TBC1D8B: variants seen among roughly 807,000 people sequenced by gnomAD.
The protein encoded by TBC1D8B is TBC1 domain family member 8B.
TBC1D8B carries 75 observed loss-of-function variants against 82.9 expected under a neutral mutation model. The ratio of observed to expected loss-of-function variants is 0.90; its 90% CI spans 0.75 to 1.10. The LOEUF is 1.10. TBC1D8B is among the 50% of genes least tolerant of loss of function. The pLI is 0.00. For missense variants in TBC1D8B, 794 were observed against 796.9 expected (o/e 1.00, Z 0.04); for synonymous variants, 276 against 276.8 (o/e 1.00, Z 0.03).
intron 14 of TBC1D8B, among the ~76,000 whole-genome samples, chrX:106,861,814 G>C (rs151200750): frequency 2.7e-5 from 3 of 111,920 alleles, no homozygotes; most frequent in African/African-American, 9.7e-5. Flanking sequence ...AAAACTGATT[G>C]TGTAGTTGCT....
Position 106,873,693 on chromosome X carries a change from A to G in TBC1D8B, c.3091A>G (p.Arg1031Gly). 8.3e-7 allele frequency: 1 copy of G among 1,211,828 alleles called. No homozygotes were observed. The highest frequency in any genetic ancestry group is 1.1e-6 in the Non-Finnish European group (1 of 895,569). ...SLLLRMEEVG[R>G]KLHSPTSSAK... ...TTTACTCAGGATGGAAGAAGTTGGAAGGAAACTACATAGCCCTACATCATC... is the reference window on the plus strand; with the variant it reads ...TTTACTCAGGATGGAAGAAGTTGGAGGGAAACTACATAGCCCTACATCATC... Residue 1031 changes from arginine (R) to glycine (G), a missense_variant, in exon 21 of 21, where the codon AGG becomes GGG. Coordinates refer to ENST00000357242, the MANE Select transcript of TBC1D8B (RefSeq NM_017752.3).
At position 106,840,771 on chromosome X, in the gene TBC1D8B, T is replaced by C; in HGVS notation, c.1606T>C (p.Leu536=). 8.3e-7 allele frequency: 1 copy of C among 1,211,020 alleles called. No individual in the cohort carries two copies. Among genetic ancestry groups the C allele is most frequent in the South Asian group, 1.8e-5 (1 of 56,932 alleles). ...GGCTACTGAAGAAATTGAACGTGATTTACGTCGCTCTCTGCCTGAGCACCC... is the reference window on the plus strand; with the variant it reads ...GGCTACTGAAGAAATTGAACGTGATCTACGTCGCTCTCTGCCTGAGCACCC... The part of the protein sequence containing the change: ...NLATEEIERD[L]RRSLPEHPAF... The change falls in exon 10 of 21, where the codon TTA becomes CTA. Residue 536 remains leucine (L), a synonymous_variant. Coordinates refer to ENST00000357242, the MANE Select transcript of TBC1D8B (RefSeq NM_017752.3).
chrX:106,809,682 G>A (rs946939522), intron 1 of TBC1D8B, among the ~76,000 whole-genome samples: 2 of 109,548 alleles, frequency 1.8e-5, no homozygotes, highest in Non-Finnish European at 3.8e-5. Context: ...TCAAGAGTTC[G>A]AGACCAGCCT....
intron 12 of TBC1D8B, among the ~76,000 whole-genome samples, chrX:106,850,727 G>A (rs1932568173): frequency 8.9e-6 from 1 of 111,920 alleles, no homozygotes; most frequent in African/African-American, 3.2e-5. Flanking sequence ...GCTTCTGTAT[G>A]AATGCTATTT....
intron 10 of TBC1D8B, among the ~76,000 whole-genome samples, chrX:106,842,022 A>G (rs1208715352): frequency 1.8e-5 from 2 of 111,521 alleles, no homozygotes; most frequent in African/African-American, 6.5e-5. Context: ...AGGAGATTGG[A>G]ATGTCATGGA....
intron 5 of TBC1D8B, 59 bp from the exon 6 acceptor site, chrX:106,825,971 C>T (rs767801799): frequency 9.6e-7 from 1 of 1,044,458 alleles, no homozygotes; most frequent in African/African-American, 1.9e-5. Flanking sequence ...CATATGTATA[C>T]CTTAGAATTC....
intron 4 of TBC1D8B, 61 bp downstream of exon 4, chrX:106,822,263 T>A: frequency 1.2e-6 from 1 of 866,438 alleles, no homozygotes; most frequent in Non-Finnish European, 1.6e-6. Flanking sequence ...CCAACTCTAA[T>A]GATGTTAGGT....
intron 12 of TBC1D8B, among the ~76,000 whole-genome samples, chrX:106,851,149 G>A (rs922981336): frequency 8.9e-6 from 1 of 112,072 alleles, no homozygotes; most frequent in Non-Finnish European, 1.9e-5. Flanking sequence ...CAGCACTTTC[G>A]GAGGCCGAGG....
chrX:106,817,905 C>T (rs1230442565), intron 1 of TBC1D8B, among the ~76,000 whole-genome samples: 1 of 109,670 alleles, frequency 9.1e-6, no homozygotes, highest in Non-Finnish European at 1.9e-5. Context: ...TTAGCAAAGA[C>T]CCTATGGGAG....
At chrX:106,848,936 ATT>A (rs34205623) in intron 11 of TBC1D8B, among the ~76,000 whole-genome samples, 2 of 98,783 alleles carry the variant, frequency 2.0e-5, no homozygotes. Flanking sequence ...CGCCTGGCTA[ATT>A]TTTTTTTTTT....
At chrX:106,810,233 T>G (rs1931325921) in intron 1 of TBC1D8B, among the ~76,000 whole-genome samples, 1 of 111,822 alleles carries the variant, frequency 8.9e-6, no homozygotes, top group African/African-American at 3.3e-5. Context: ...TGTTTTCAAA[T>G]TAAATCATCC....
chrX:106,851,430 T>C (rs1932582915), intron 12 of TBC1D8B, among the ~76,000 whole-genome samples: 2 of 112,074 alleles, frequency 1.8e-5, no homozygotes, highest in African/African-American at 3.2e-5. Flanking sequence ...TTGTTATTAT[T>C]ATACTTTAAG....
chrX:106,841,623 C>G (rs1259609406), intron 10 of TBC1D8B, among the ~76,000 whole-genome samples: 1 of 111,428 alleles, frequency 9.0e-6, no homozygotes, highest in East Asian at 2.8e-4. Context: ...TTAGGATAGG[C>G]TAGACTGCTA....
chrX:106,812,693 T>G (rs1931413617), intron 1 of TBC1D8B, among the ~76,000 whole-genome samples: 1 of 111,333 alleles, frequency 9.0e-6, no homozygotes, highest in Non-Finnish European at 1.9e-5. Context: ...CCCTACCTGT[T>G]CATCATTACC....
chrX:106,862,096 G>T (rs1343075230), intron 14 of TBC1D8B, among the ~76,000 whole-genome samples: 1 of 112,009 alleles, frequency 8.9e-6, no homozygotes, highest in Non-Finnish European at 1.9e-5. Context: ...TAGCATTTCT[G>T]CTGAATAGTA....
At chrX:106,838,479 T>C (rs1038755638) in intron 7 of TBC1D8B, among the ~76,000 whole-genome samples, 6 of 111,952 alleles carry the variant, frequency 5.4e-5, no homozygotes, top group African/African-American at 1.9e-4. Flanking sequence ...TATTCCCTGC[T>C]TTCAAAGATA....
At chrX:106,860,342 T>G (rs369905401) in intron 14 of TBC1D8B, among the ~76,000 whole-genome samples, 4 of 22,275 alleles carry the variant, frequency 1.8e-4, no homozygotes, top group Admixed American at 3.6e-4. Flanking sequence ...TTATGATTGG[T>G]GTGTGTGTGT....
Position 106,872,455 on chromosome X carries a change from T to TTATATATATATATATATATATATATATA in TBC1D8B, c.2968-1109_2968-1082dup, listed in dbSNP as rs61326496. On this transcript the variant is annotated intron_variant, in intron 20 of 20. Transcript: ENST00000357242. Reference sequence around the variant, plus strand: ...GTGAACTAGGAACCCAGAAAAATATTTATATATATATATATATATATATAT... The same window carrying TTATATATATATATATATATATATATATA: ...GTGAACTAGGAACCCAGAAAAATATTTATATATATATATATATATATATATATATATATATATATATATATATATATAT... 3.7e-4 allele frequency among the ~76,000 whole-genome samples: 27 copies of TTATATATATATATATATATATATATATA among 73,282 alleles called. 1 individual carries two copies. Among genetic ancestry groups the TTATATATATATATATATATATATATATA allele is most frequent in the African/African-American group, 1.6e-3 (26 of 16,507 alleles). 63.6% of individuals were successfully genotyped at this position (73,282 alleles called of 115,157 possible).
At chrX:106,868,558 A>T in intron 18 of TBC1D8B, 82 bp downstream of exon 18, 1 of 614,976 alleles carries the variant, frequency 1.6e-6, no homozygotes, top group African/African-American at 2.3e-5. Flanking sequence ...ACTTTACCCA[A>T]CTAAAATTGG....
Sources: gnomAD v4.1 joint callset for allele counts (sites outside exome capture counted in the v4.1 genomes callset) on GRCh38, gnomAD v4.1.1 for gene constraint, MANE v1.5 for transcripts, NCBI Gene and HGNC (gene_info 2026-07-23, HGNC 2026-07-21) for gene names.